The following NRG3 variants were observed in gnomAD, a reference collection of about 807,000 sequenced individuals.
NRG3 encodes the protein pro-neuregulin-3, membrane-bound isoform.
Under a neutral mutation model 66.9 loss-of-function variants are expected in NRG3, and 31 were observed. The observed-to-expected ratio is 0.46, with a 90% CI of 0.35 to 0.63. The LOEUF is 0.63. NRG3 is among the 20% of genes least tolerant of loss of function. The pLI, the probability that NRG3 is intolerant of heterozygous loss-of-function variation, is 0.00. For synonymous variants in NRG3, 393 were observed against 359.4 expected (o/e 1.09, Z -1.06); for missense variants, 910 against 878.9 (o/e 1.04, Z -0.45).
At chr10:82,316,136 A>T (rs1369087463) in intron 1 of NRG3, among the ~76,000 whole-genome samples, 2 of 152,142 alleles carry the variant, frequency 1.3e-5, no homozygotes, top group African/African-American at 4.8e-5. Flanking sequence ...TCTCCTATGT[A>T]GGAGATCTCA....
At chr10:82,698,385 T>A (rs1207487291) in intron 2 of NRG3, among the ~76,000 whole-genome samples, 1 of 152,138 alleles carries the variant, frequency 6.6e-6, no homozygotes, top group Non-Finnish European at 1.5e-5. Context: ...TACCCCACCT[T>A]GGAATCTTAA....
At chr10:82,337,655 G>A (rs763105674) in intron 1 of NRG3, among the ~76,000 whole-genome samples, 23 of 152,024 alleles carry the variant, frequency 1.5e-4, no homozygotes, top group Non-Finnish European at 2.6e-4. Context: ...ATTGTTGTCC[G>A]TTCTAATGGG....
intron 3 of NRG3, among the ~76,000 whole-genome samples, chr10:82,816,606 C>T (rs1215977887): frequency 2.6e-5 from 4 of 151,944 alleles, no homozygotes; most frequent in Non-Finnish European, 4.4e-5. Context: ...ACCTGGAATT[C>T]CACCTGAAGG....
rs565348987 is a variant in NRG3, at chr10:82,389,346, G to A, written c.953+30478G>A. Among the ~76,000 whole-genome samples the A allele has an allele frequency of 3.3e-5, 5 of 152,274 alleles. No homozygotes were observed. The South Asian group carries it at 1.0e-3, about 32-fold the overall frequency. On this transcript the variant is annotated intron_variant, in intron 2 of 8. Transcript: ENST00000372141. Reference sequence around the variant, plus strand: ...CCTCAGTAAACCTTGCTCTGCAGTGGAAGGTCATGCCTTTCTCAGCCTTTC... The same window carrying A: ...CCTCAGTAAACCTTGCTCTGCAGTGAAAGGTCATGCCTTTCTCAGCCTTTC...
chr10:82,897,787 C>A (rs960974464), intron 4 of NRG3, among the ~76,000 whole-genome samples: 2 of 152,010 alleles, frequency 1.3e-5, no homozygotes, highest in Non-Finnish European at 2.9e-5. Context: ...CCCAAAGTGC[C>A]GGGATTACAG....
At chr10:81,930,108 C>T (rs1847195211) in intron 1 of NRG3, among the ~76,000 whole-genome samples, 1 of 152,138 alleles carries the variant, frequency 6.6e-6, no homozygotes, top group Non-Finnish European at 1.5e-5. Context: ...GTTTTATCTG[C>T]TGTAGACAGG....
At chr10:82,523,480 T>G (rs1459059666) in intron 2 of NRG3, among the ~76,000 whole-genome samples, 1 of 152,204 alleles carries the variant, frequency 6.6e-6, no homozygotes, top group East Asian at 1.9e-4. Flanking sequence ...GTAATGATGG[T>G]AAGCATATTT....
intron 3 of NRG3, among the ~76,000 whole-genome samples, chr10:82,759,236 C>T (rs977635805): frequency 1.3e-5 from 2 of 152,112 alleles, no homozygotes; most frequent in African/African-American, 4.8e-5. Flanking sequence ...CATATGCCTA[C>T]TCCCATTCTA....
At chr10:82,395,209 A>C (rs2086641402) in intron 2 of NRG3, among the ~76,000 whole-genome samples, 1 of 152,222 alleles carries the variant, frequency 6.6e-6, no homozygotes, top group African/African-American at 2.4e-5. Context: ...GCTAGCCCAC[A>C]ATTCCCTAAG....
At chr10:82,940,155 A>G (rs1331941338) in intron 4 of NRG3, among the ~76,000 whole-genome samples, 1 of 152,172 alleles carries the variant, frequency 6.6e-6, no homozygotes, top group Non-Finnish European at 1.5e-5. Context: ...TTTCAGGCTT[A>G]ATAGTATTTA....
chr10:81,972,417 A>G (rs112056509), intron 1 of NRG3, among the ~76,000 whole-genome samples: 2 of 152,180 alleles, frequency 1.3e-5, no homozygotes, highest in African/African-American at 4.8e-5. Flanking sequence ...ATAGTTATTA[A>G]GACTACATAT....
chr10:82,760,203 G>C (rs1290902122), intron 3 of NRG3, among the ~76,000 whole-genome samples: 2 of 151,964 alleles, frequency 1.3e-5, no homozygotes, highest in South Asian at 2.1e-4. Flanking sequence ...CACAACCCCA[G>C]AAAAACACAG....
chr10:82,611,556 A>T (rs1434463690), intron 2 of NRG3, among the ~76,000 whole-genome samples: 1 of 152,070 alleles, frequency 6.6e-6, no homozygotes, highest in African/African-American at 2.4e-5. Flanking sequence ...GCTGAGAATG[A>T]TGGTTTCCAG....
intron 1 of NRG3, among the ~76,000 whole-genome samples, chr10:81,931,771 C>T (rs1056285446): frequency 2.6e-5 from 4 of 152,148 alleles, no homozygotes; most frequent in South Asian, 2.1e-4. Flanking sequence ...GATGAAGTTT[C>T]GGAAGATACT....
chr10:82,192,902 G>T (rs2074237062), intron 1 of NRG3, among the ~76,000 whole-genome samples: 1 of 151,874 alleles, frequency 6.6e-6, no homozygotes, highest in South Asian at 2.1e-4. Flanking sequence ...AACTTTCCAA[G>T]ACATGATATT....
At chr10:82,282,456 G>A (rs554454496) in intron 1 of NRG3, among the ~76,000 whole-genome samples, 14 of 152,062 alleles carry the variant, frequency 9.2e-5, no homozygotes, top group African/African-American at 2.7e-4. Flanking sequence ...AGGGCTCTGC[G>A]TAGGACTCAG....
chr10:82,265,419 A>G (rs1339308197), intron 1 of NRG3, among the ~76,000 whole-genome samples: 1 of 152,224 alleles, frequency 6.6e-6, no homozygotes, highest in East Asian at 1.9e-4. Context: ...GGACGATGGC[A>G]CTGTAATGTA....
intron 1 of NRG3, among the ~76,000 whole-genome samples, chr10:82,235,835 G>T (rs887621600): frequency 6.6e-6 from 1 of 152,132 alleles, no homozygotes; most frequent in African/African-American, 2.4e-5. Context: ...GTGTCACTTG[G>T]TAGACGTTTT....
At chr10:82,632,739 C>T (rs774243887) in intron 2 of NRG3, among the ~76,000 whole-genome samples, 1 of 152,072 alleles carries the variant, frequency 6.6e-6, no homozygotes, top group South Asian at 2.1e-4. Context: ...AATCGTCTGT[C>T]TTTGTTCATT....
Sources: gnomAD v4.1 joint callset for allele counts (sites outside exome capture counted in the v4.1 genomes callset) on GRCh38, gnomAD v4.1.1 for gene constraint, MANE v1.5 for transcripts, NCBI Gene and HGNC (gene_info 2026-07-23, HGNC 2026-07-21) for gene names.